Variants in AKAP12 observed in about 807,000 individuals in gnomAD.
The protein encoded by AKAP12 is A-kinase anchor protein 12.
AKAP12 carries 32 observed loss-of-function variants against 79.9 expected under a neutral mutation model. The observed-to-expected ratio is 0.40, with a 90% confidence interval of 0.30 to 0.54. AKAP12 has a LOEUF of 0.54. AKAP12 is among the 20% of genes least tolerant of loss of function. The pLI is 0.48. For synonymous variants in AKAP12, 808 were observed against 857.0 expected, an observed-to-expected ratio of 0.94 and a Z score of 1.00; for missense variants, 2,074 against 2,177.0, an observed-to-expected ratio of 0.95 and a Z score of 0.94.
At chr6:151,296,759 A>G (rs1776736589) in intron 2 of AKAP12, among the ~76,000 whole-genome samples, 1 of 152,180 alleles carries the variant, frequency 6.6e-6, no homozygotes, top group African/African-American at 2.4e-5. Flanking sequence ...CCTGCACTCT[A>G]GCCTGCAGCT....
At chr6:151,285,657 A>G (rs552338872) in intron 2 of AKAP12, among the ~76,000 whole-genome samples, 1 of 151,832 alleles carries the variant, frequency 6.6e-6, no homozygotes, top group African/African-American at 2.4e-5. Flanking sequence ...AAAAAAATTT[A>G]AAGTATCACA....
intron 2 of AKAP12, among the ~76,000 whole-genome samples, chr6:151,244,299 C>T (rs1168615471): frequency 6.6e-6 from 1 of 152,132 alleles, no homozygotes; most frequent in Non-Finnish European, 1.5e-5. Flanking sequence ...CTGAGGCAGG[C>T]AGATCACAAA....
At chr6:151,311,922 CT>C (rs906019256) in intron 3 of AKAP12, among the ~76,000 whole-genome samples, 53 of 152,188 alleles carry the variant, frequency 3.5e-4, no homozygotes, top group African/African-American at 1.2e-3. Context: ...AAGACCTGCT[CT>C]GAGCCTCTTC....
chr6:151,304,018 C>T (rs559280792), intron 2 of AKAP12, among the ~76,000 whole-genome samples: 11 of 152,128 alleles, frequency 7.2e-5, no homozygotes, highest in East Asian at 1.9e-4. Flanking sequence ...CTTTGAGTCC[C>T]GGTGTCATTA....
At chr6:151,250,983 T>C (rs543369918) in intron 2 of AKAP12, among the ~76,000 whole-genome samples, 5 of 152,188 alleles carry the variant, frequency 3.3e-5, no homozygotes, top group African/African-American at 1.2e-4. Context: ...AACATTACCC[T>C]TGAACACCTC....
chr6:151,326,459 A>C (rs1455703871), intron 3 of AKAP12, among the ~76,000 whole-genome samples: 1 of 151,134 alleles, frequency 6.6e-6, no homozygotes, highest in African/African-American at 2.4e-5. Flanking sequence ...ATCGGTGGCT[A>C]GGAAGCAACA....
chr6:151,250,868 AG>A (rs1341910937), intron 2 of AKAP12, among the ~76,000 whole-genome samples: 2 of 152,080 alleles, frequency 1.3e-5, no homozygotes, highest in African/African-American at 4.8e-5. Flanking sequence ...GGCCTCCCAA[AG>A]TGCTGGGATT....
chr6:151,344,513 C>T (rs917758449), intron 3 of AKAP12, among the ~76,000 whole-genome samples: 5 of 117,446 alleles, frequency 4.3e-5, no homozygotes, highest in Admixed American at 8.9e-5. Flanking sequence ...GTACCTCAGG[C>T]AGTTTTGTTG....
chr6:151,328,252 C>T (rs1386384023), intron 3 of AKAP12, among the ~76,000 whole-genome samples: 12 of 146,466 alleles, frequency 8.2e-5, no homozygotes, highest in African/African-American at 3.1e-4. Context: ...GGCGTGAACT[C>T]GGGAGGCAGA....
At chr6:151,270,086 C>T (rs1351577763) in intron 2 of AKAP12, among the ~76,000 whole-genome samples, 2 of 152,264 alleles carry the variant, frequency 1.3e-5, no homozygotes, top group South Asian at 2.1e-4. Context: ...GAGACAGTCT[C>T]GCTCTTGTTG....
At chr6:151,306,578 T>A (rs977684716) in intron 3 of AKAP12, among the ~76,000 whole-genome samples, 4 of 152,160 alleles carry the variant, frequency 2.6e-5, no homozygotes, top group African/African-American at 9.7e-5. Flanking sequence ...ATATGTAAAA[T>A]GATGATTCGG....
At chr6:151,346,984 TGTAACC>T (rs1778117724) in intron 3 of AKAP12, among the ~76,000 whole-genome samples, 1 of 152,182 alleles carries the variant, frequency 6.6e-6, no homozygotes, top group Admixed American at 6.5e-5. Flanking sequence ...TTCAATGTGT[TGTAACC>T]CATCAATGTC....
In AKAP12 at chr6:151,331,757, C is replaced by CAG. The variant is rs1278876101; in HGVS notation, c.320-16953_320-16952insGA. Among the ~76,000 whole-genome samples, 203 of 151,840 alleles carry CAG rather than the reference C, an allele frequency of 1.3e-3. 1 individual carries two copies. Among genetic ancestry groups the CAG allele is most frequent in the African/African-American group, 4.7e-3 (193 of 41,410 alleles). ...AAAATTAGCCGGGCGTGGTGGCAGG[C>CAG]ACCTGTAGTCCCAGCTACTCGGGAG... On this transcript the variant is annotated intron_variant, in intron 3 of 4. Transcript: ENST00000402676.
intron 3 of AKAP12, among the ~76,000 whole-genome samples, chr6:151,333,104 C>T (rs1777719073): frequency 6.6e-6 from 1 of 152,186 alleles, no homozygotes; most frequent in Middle Eastern, 3.4e-3. Context: ...TGTAGCCAGT[C>T]GGACAAATCT....
intron 3 of AKAP12, among the ~76,000 whole-genome samples, chr6:151,339,932 T>C (rs1366969003): frequency 6.6e-6 from 1 of 152,090 alleles, no homozygotes; most frequent in Non-Finnish European, 1.5e-5. Context: ...TTTTCTTTTT[T>C]TTTTTCTTTT....
intron 2 of AKAP12, among the ~76,000 whole-genome samples, chr6:151,300,330 G>A (rs1776835075): frequency 6.6e-6 from 1 of 152,110 alleles, no homozygotes; most frequent in South Asian, 2.1e-4. Context: ...GGGGTGGGAC[G>A]AATTGCCCCT....
intron 2 of AKAP12, among the ~76,000 whole-genome samples, chr6:151,270,503 A>G (rs1311170860): frequency 6.6e-6 from 1 of 152,202 alleles, no homozygotes; most frequent in Admixed American, 6.5e-5. Flanking sequence ...ACTAATGTAC[A>G]ATTCTTTGCC....
intron 2 of AKAP12, among the ~76,000 whole-genome samples, chr6:151,251,867 C>T (rs111906273): frequency 0.013 from 1,937 of 152,142 alleles, 37 homozygotes; most frequent in African/African-American, 0.043. Flanking sequence ...CATGGTGGCA[C>T]GCGCCTGTAG....
chr6:151,331,143 G>C (rs974847071), intron 3 of AKAP12, among the ~76,000 whole-genome samples: 1 of 152,130 alleles, frequency 6.6e-6, no homozygotes, highest in African/African-American at 2.4e-5. Flanking sequence ...TTTTGTACAT[G>C]AAATGATTTC....
Sources: allele counts gnomAD v4.1 joint callset (sites outside exome capture counted in the v4.1 genomes callset), GRCh38; gene constraint gnomAD v4.1.1; transcripts MANE v1.5; gene names NCBI Gene and HGNC (gene_info 2026-07-23, HGNC 2026-07-21).